The following SDK2 variants were observed in gnomAD, a reference collection of about 807,000 sequenced individuals.
SDK2 encodes protein sidekick-2.
SDK2 carries 105 observed loss-of-function variants against 253.9 expected under a neutral mutation model. The ratio of observed to expected loss-of-function variants is 0.41; its 90% CI spans 0.35 to 0.49. The LOEUF (loss-of-function observed/expected upper bound fraction) is 0.49, where lower values mean the gene tolerates loss of function less well. Among genes scored for constraint, SDK2 ranks in the 20% least tolerant of loss-of-function variants. The pLI is 0.06. For synonymous variants in SDK2, 1,249 were observed against 1,234.9 expected (o/e 1.01, Z -0.24); for missense variants, 2,608 against 3,003.0 (o/e 0.87, Z 3.07).
intron 36 of SDK2, among the ~76,000 whole-genome samples, chr17:73,377,792 A>G (rs1363227173): frequency 6.7e-6 from 1 of 149,928 alleles, no homozygotes; most frequent in African/African-American, 2.5e-5. Context: ...TTGTATTTTT[A>G]GTAGAGATGG....
intron 1 of SDK2, among the ~76,000 whole-genome samples, chr17:73,599,935 C>T (rs904835876): frequency 3.9e-5 from 6 of 152,240 alleles, no homozygotes; most frequent in Admixed American, 2.0e-4. Context: ...CACACACCTA[C>T]GGTTATTTGT....
chr17:73,427,694 A>G (rs1308189435), intron 12 of SDK2, among the ~76,000 whole-genome samples: 1 of 151,802 alleles, frequency 6.6e-6, no homozygotes, highest in Non-Finnish European at 1.5e-5. Flanking sequence ...CTTCACAAAA[A>G]TTAACTCAAA....
intron 1 of SDK2, among the ~76,000 whole-genome samples, chr17:73,562,431 C>T (rs1168579640): frequency 2.6e-5 from 4 of 152,158 alleles, no homozygotes; most frequent in Admixed American, 2.6e-4. Flanking sequence ...CTTTTTAGAT[C>T]CAATTAACTT....
In SDK2 at chr17:73,619,341, CCAGCAGAAATCAAAACAG is replaced by C. The variant is rs569447752; in HGVS notation, c.64+24666_64+24683del. ...CAGCACAGCACAGACAGCTAACCCT[CCAGCAGAAATCAAAACAG>C]CAGCAGAAATCAAAACAGTGTGGTA... is the stretch of plus-strand genomic sequence containing the variant. On this transcript the variant is annotated intron_variant, in intron 1 of 44. Transcript: ENST00000392650. Among the ~76,000 whole-genome samples the C allele has an allele frequency of 3.9e-4, 59 of 152,200 alleles. 3 individuals carry two copies. The South Asian group carries it at 0.01, about 26-fold the overall frequency.
intron 3 of SDK2, among the ~76,000 whole-genome samples, chr17:73,459,675 T>G (rs1254883928): frequency 6.6e-6 from 1 of 152,192 alleles, no homozygotes; most frequent in Non-Finnish European, 1.5e-5. Context: ...CATTACTCAT[T>G]AGCCATGATG....
At chr17:73,444,107 T>C (rs1050268612) in intron 5 of SDK2, among the ~76,000 whole-genome samples, 1 of 152,144 alleles carries the variant, frequency 6.6e-6, no homozygotes, top group Non-Finnish European at 1.5e-5. Context: ...AATGACAGCC[T>C]CCCCTCCTGG....
Position 73,496,074 on chromosome 17 carries a change from A to G in SDK2, c.224+11364T>C, listed in dbSNP as rs1599620720. Among the ~76,000 whole-genome samples, 2 of 152,148 alleles carry G rather than the reference A, an allele frequency of 1.3e-5. No individual in the cohort carries two copies. The highest frequency in any genetic ancestry group is 3.9e-4 in the East Asian group (2 of 5,160). On this transcript the variant is annotated intron_variant, in intron 2 of 44. Transcript: ENST00000392650. The surrounding 1 kb of genome is among the most constrained non-coding windows in gnomAD (Gnocchi z 4.7). The stretch of plus-strand genomic sequence containing the variant: ...GGAAAAGGAACCTGGACTTCCCGGG[A>G]GGGTGGGAAGGAACCGTGGCCAGGA...
intron 1 of SDK2, among the ~76,000 whole-genome samples, chr17:73,637,920 A>T (rs1372198162): frequency 2.6e-5 from 4 of 152,196 alleles, no homozygotes; most frequent in Non-Finnish European, 4.4e-5. Context: ...CTGTCGGGCC[A>T]GAATCAGGAA....
intron 18 of SDK2, among the ~76,000 whole-genome samples, chr17:73,413,657 A>G (rs984805399): frequency 1.3e-5 from 2 of 152,218 alleles, no homozygotes; most frequent in African/African-American, 4.8e-5. Flanking sequence ...CAAATTAGAA[A>G]TATTATCTCA....
chr17:73,624,390 G>A (rs2046174767), intron 1 of SDK2, among the ~76,000 whole-genome samples: 1 of 152,218 alleles, frequency 6.6e-6, no homozygotes, highest in Non-Finnish European at 1.5e-5. Context: ...CTACTTGGAA[G>A]GCTGAGGCAT....
rs367745115 is a variant in SDK2 at position 73,612,917 on chromosome 17, A to AAATAAT, written c.64+31102_64+31107dup. Among the ~76,000 whole-genome samples the AAATAAT allele has an allele frequency of 9.0e-4, 137 of 151,560 alleles. 2 individuals are homozygous for AAATAAT. The highest frequency in any genetic ancestry group is 2.7e-3 in the African/African-American group (112 of 41,300). ...GGGTGACAGAGCGAGACTCCGTCTC[A>AAATAAT]AATAATAATAATAATAATAATAGTA... On this transcript the variant is annotated intron_variant, in intron 1 of 44. Coordinates refer to ENST00000392650, the MANE Select transcript of SDK2 (RefSeq NM_001144952.2). The surrounding 1 kb of genome is among the most constrained non-coding windows in gnomAD (Gnocchi z 4.4).
intron 25 of SDK2, among the ~76,000 whole-genome samples, 194 bp from the exon 26 acceptor site, chr17:73,394,518 G>A (rs780363536): frequency 6.6e-6 from 1 of 152,248 alleles, no homozygotes; most frequent in Admixed American, 6.5e-5. Context: ...TGCTGCAGAT[G>A]CCGTTTCCGG....
intron 1 of SDK2, among the ~76,000 whole-genome samples, chr17:73,596,154 G>A (rs1386203866): frequency 6.6e-6 from 1 of 152,182 alleles, no homozygotes; most frequent in African/African-American, 2.4e-5. Context: ...CTGGAGACCT[G>A]GGTCCTGGGC....
intron 16 of SDK2, among the ~76,000 whole-genome samples, chr17:73,418,047 G>T (rs1036193127): frequency 1.6e-5 from 2 of 127,610 alleles, no homozygotes; most frequent in African/African-American, 5.9e-5. Context: ...ATGGAGTCTC[G>T]CCCAGGCTGG....
At chr17:73,382,901 C>T (rs1201469790) in intron 33 of SDK2, among the ~76,000 whole-genome samples, 6 of 152,312 alleles carry the variant, frequency 3.9e-5, no homozygotes, top group South Asian at 2.1e-4. Context: ...TGGTGGCACA[C>T]GCCTGGAGTC....
In SDK2 at chr17:73,431,937, G is replaced by A. The variant is rs1030339371; in HGVS notation, c.1313-268C>T. On this transcript the variant is annotated intron_variant, in intron 10 of 44. Transcript: ENST00000392650. This position sits in a 1 kb window ranked among gnomAD's most constrained non-coding sequence, Gnocchi z 5.6. ...GATGCTCCTGTGCCCGCCACACCAC[G>A]TGCCCTTCAACAGAGAAGGGGGCGC... Among the ~76,000 whole-genome samples the A allele has an allele frequency of 6.6e-6, 1 of 152,202 alleles. No individual in the cohort carries two copies. Among genetic ancestry groups the A allele is most frequent in the Non-Finnish European group, 1.5e-5 (1 of 68,030 alleles).
At position 73,401,177 on chromosome 17, in the gene SDK2, G is replaced by T. The variant is rs954322965; in HGVS notation, c.2814C>A (p.Thr938=). 6.4e-7 allele frequency: 1 copy of T among 1,556,226 alleles called. No homozygotes were observed. Among genetic ancestry groups the T allele is most frequent in the Non-Finnish European group, 8.7e-7 (1 of 1,149,628 alleles). ...GCAGGTAGTGGGTCACACGGGTGTT[G>T]GTTCGATTGTACTCCTCCCAGGAGA... ...YRISWEEYNR[T]NTRVTHYLPN... Residue 938 remains threonine (T), a synonymous_variant, in exon 21 of 45, where the codon ACC becomes ACA. Coordinates refer to ENST00000392650, the MANE Select transcript of SDK2 (RefSeq NM_001144952.2).
intron 2 of SDK2, among the ~76,000 whole-genome samples, chr17:73,506,142 G>T (rs1344080221): frequency 6.6e-6 from 1 of 152,264 alleles, no homozygotes; most frequent in Non-Finnish European, 1.5e-5. Context: ...ACTTGAGCGT[G>T]TCCAAAGTCT....
At chr17:73,378,549 A>T (rs1469712831) in intron 36 of SDK2, among the ~76,000 whole-genome samples, 1 of 151,744 alleles carries the variant, frequency 6.6e-6, no homozygotes. Flanking sequence ...CCTCTCGAAT[A>T]GCTGGGATTA....
Sources: gnomAD v4.1 joint callset for allele counts (sites outside exome capture counted in the v4.1 genomes callset) on GRCh38, gnomAD v4.1.1 for gene constraint, Gnocchi (gnomAD v3.1) non-coding constraint, MANE v1.5 for transcripts, NCBI Gene and HGNC (gene_info 2026-07-23, HGNC 2026-07-21) for gene names.